CNOT6L: variants seen among roughly 807,000 people sequenced by gnomAD.
CNOT6L encodes CCR4-NOT transcription complex subunit 6-like.
Under a neutral mutation model 64.0 loss-of-function variants are expected in CNOT6L, and 7 were observed. The ratio of observed to expected loss-of-function variants is 0.11; its 90% CI spans 0.06 to 0.21. The LOEUF (loss-of-function observed/expected upper bound fraction) is 0.21. Among genes scored for constraint, CNOT6L ranks in the 10% least tolerant of loss-of-function variants. CNOT6L has a pLI of 1.00. For missense variants in CNOT6L, 245 were observed against 669.0 expected (o/e 0.37, Z 6.99); for synonymous variants, 193 against 243.4 (o/e 0.79, Z 1.93).
chr4:77,752,972 T>A (rs1055646090), intron 5 of CNOT6L, among the ~76,000 whole-genome samples: 2 of 151,762 alleles, frequency 1.3e-5, no homozygotes, highest in African/African-American at 2.4e-5. Context: ...CATAAATTAA[T>A]ATCTGAAATG....
At chr4:77,788,149 T>A (rs1039580821) in intron 1 of CNOT6L, among the ~76,000 whole-genome samples, 1 of 152,194 alleles carries the variant, frequency 6.6e-6, no homozygotes, top group African/African-American at 2.4e-5. Context: ...ATGAATATAT[T>A]CAAGATTTAA....
intron 5 of CNOT6L, among the ~76,000 whole-genome samples, chr4:77,754,447 A>G (rs1167047789): frequency 6.6e-6 from 1 of 152,194 alleles, no homozygotes; most frequent in Non-Finnish European, 1.5e-5. Flanking sequence ...ATAGAATAGG[A>G]TCCACTGTTG....
chr4:77,796,579 G>A (rs925682620), intron 1 of CNOT6L, among the ~76,000 whole-genome samples: 2 of 152,114 alleles, frequency 1.3e-5, no homozygotes, highest in African/African-American at 4.8e-5. Context: ...TGCGAACCAG[G>A]AGTCAATTAA....
At chr4:77,744,608 T>G in intron 7 of CNOT6L, 110 bp downstream of exon 7, 1 of 900,254 alleles carries the variant, frequency 1.1e-6, no homozygotes, top group Non-Finnish European at 1.6e-6. Context: ...GAGAAAACAA[T>G]TCTTTTTGAG....
At position 77,756,727 on chromosome 4, in the gene CNOT6L, C is replaced by T. The variant is rs956976880; in HGVS notation, c.490+135G>A. On this transcript the variant is annotated intron_variant, in intron 5 of 11. Transcript: ENST00000504123. ...TATGAAAAGAAGAATGTTCCACTAA[C>T]GTAGGATATACAATGGAAGGAACTC... 127 of 542,060 alleles carry T rather than the reference C, an allele frequency of 2.3e-4. 1 individual carries two copies. The East Asian group carries it at 2.8e-3, about 12-fold the overall frequency. 33.6% of individuals were successfully genotyped at this position (542,060 alleles called of 1,614,324 possible).
intron 1 of CNOT6L, among the ~76,000 whole-genome samples, chr4:77,805,480 C>G (rs910341696): frequency 1.3e-5 from 2 of 152,080 alleles, no homozygotes; most frequent in Non-Finnish European, 2.9e-5. Context: ...TCACACAAAC[C>G]TAAACAATCA....
chr4:77,813,593 A>T lies in CNOT6L; in HGVS notation c.5+5711T>A, dbSNP rs1402903117. ...AAAAAACTCATTATAAAAATGGGCAAAGAATTTGAGTCTTTTCACACACTT... is the reference window on the plus strand; with the variant it reads ...AAAAAACTCATTATAAAAATGGGCATAGAATTTGAGTCTTTTCACACACTT... On this transcript the variant is annotated intron_variant, in intron 1 of 11. Transcript: ENST00000504123. Among the ~76,000 whole-genome samples the T allele has an allele frequency of 6.4e-4, 98 of 152,188 alleles. 1 individual carries two copies. Among genetic ancestry groups the T allele is most frequent in the Admixed American group, 6.4e-3 (98 of 15,280 alleles).
Position 77,744,793 on chromosome 4 carries a change from T to A in CNOT6L, c.642A>T (p.Ala214=). 6.2e-7 allele frequency: 1 copy of A among 1,613,560 alleles called. No homozygotes were observed. The highest frequency in any genetic ancestry group is 1.1e-5 in the South Asian group (1 of 91,004). Residue 214 remains alanine (A), a synonymous_variant, in exon 7 of 12, where the codon GCA becomes GCT. Transcript: ENST00000504123. Reference sequence around the variant, plus strand: ...CCTTTTTCCTGTATTCCCAGTTTAATGCCCAGGATGGGCAATAGCCATATA... The same window carrying A: ...CCTTTTTCCTGTATTCCCAGTTTAAAGCCCAGGATGGGCAATAGCCATATA... The part of the protein sequence containing the change: ...RQLYGYCPSW[A]LNWEYRKKGI...
chr4:77,816,336 A>G (rs964653831), intron 1 of CNOT6L, among the ~76,000 whole-genome samples: 2 of 152,210 alleles, frequency 1.3e-5, no homozygotes, highest in Non-Finnish European at 2.9e-5. Context: ...CAAATACTAA[A>G]TAAGAGCAGA....
chr4:77,789,308 C>T (rs935437943), intron 1 of CNOT6L, among the ~76,000 whole-genome samples: 2 of 152,058 alleles, frequency 1.3e-5, no homozygotes, highest in Non-Finnish European at 2.9e-5. Context: ...CCACGCTCCC[C>T]CCAACCCCGC....
intron 5 of CNOT6L, among the ~76,000 whole-genome samples, chr4:77,751,820 A>AAGAT (rs1380983684): frequency 1.3e-5 from 2 of 152,210 alleles, no homozygotes; most frequent in African/African-American, 4.8e-5. Flanking sequence ...AGGGGAAATA[A>AAGAT]AGATGTTAAC....
At chr4:77,805,150 C>T (rs1252327314) in intron 1 of CNOT6L, among the ~76,000 whole-genome samples, 1 of 152,102 alleles carries the variant, frequency 6.6e-6, no homozygotes, top group Non-Finnish European at 1.5e-5. Context: ...CTCTCTATAC[C>T]AAGAAACTAC....
At chr4:77,733,012 G>C (rs550972709) in intron 8 of CNOT6L, among the ~76,000 whole-genome samples, 3 of 152,212 alleles carry the variant, frequency 2.0e-5, no homozygotes, top group South Asian at 2.1e-4. Context: ...ATCAAGAGGA[G>C]TGAGCAGTTT....
At chr4:77,758,007 A>T (rs769021607) in intron 4 of CNOT6L, among the ~76,000 whole-genome samples, 9 of 152,154 alleles carry the variant, frequency 5.9e-5, no homozygotes, top group Non-Finnish European at 8.8e-5. Context: ...GCCTAAACAA[A>T]TTTTTTTAAT....
chr4:77,789,036 T>C (rs1052634023), intron 1 of CNOT6L, among the ~76,000 whole-genome samples: 1 of 152,188 alleles, frequency 6.6e-6, no homozygotes, highest in African/African-American at 2.4e-5. Flanking sequence ...AGTATTTCAC[T>C]ACAATGAAGA....
At chr4:77,773,284 A>T (rs1466994869) in intron 3 of CNOT6L, 118 bp from the exon 4 acceptor site, 2 of 608,040 alleles carry the variant, frequency 3.3e-6, no homozygotes, top group Non-Finnish European at 5.6e-6. Flanking sequence ...TTCAAGGCAC[A>T]TTTCTATGTG....
chr4:77,818,253 G>C (rs1334527354), intron 1 of CNOT6L, among the ~76,000 whole-genome samples: 1 of 152,168 alleles, frequency 6.6e-6, no homozygotes, highest in African/African-American at 2.4e-5. Context: ...ATAGCCGACC[G>C]AGTTAAGCAG....
chr4:77,819,399 CCCA>C (rs1245333174), upstream of CNOT6L: 1 of 1,605,922 alleles, frequency 6.2e-7, no homozygotes, highest in East Asian at 2.2e-5. Flanking sequence ...GCACCAGGCC[CCCA>C]CAGATGCTTC....
In CNOT6L at chr4:77,718,585, C is replaced by A. The variant is rs1720984798; in HGVS notation, c.*1846G>T. Reference sequence around the variant, plus strand: ...CATTCCAATTATAATAGATGACAAACAACGCCTCTATCACTAGGCACTTTT... The same window carrying A: ...CATTCCAATTATAATAGATGACAAAAAACGCCTCTATCACTAGGCACTTTT... On this transcript the variant is annotated 3_prime_UTR_variant, in exon 12 of 12. Transcript: ENST00000504123. The A allele has an allele frequency of 6.6e-6, 1 of 152,506 alleles. No homozygotes were observed. The highest frequency in any genetic ancestry group is 2.1e-4 in the South Asian group (1 of 4,820). 9.4% of individuals were successfully genotyped at this position (152,506 alleles called of 1,614,324 possible).
Sources: allele counts gnomAD v4.1 joint callset (sites outside exome capture counted in the v4.1 genomes callset), GRCh38; gene constraint gnomAD v4.1.1; transcripts MANE v1.5; gene names NCBI Gene and HGNC (gene_info 2026-07-23, HGNC 2026-07-21).